Variants in CUBN observed in about 807,000 individuals in gnomAD.
CUBN encodes cubilin.
CUBN carries 282 observed loss-of-function variants against 405.3 expected under a neutral mutation model. The ratio of observed to expected loss-of-function variants is 0.70; its 90% CI spans 0.63 to 0.77. CUBN has a LOEUF of 0.77. CUBN is among the 30% of genes least tolerant of loss of function. CUBN has a pLI of 0.00. For synonymous variants in CUBN, 1,684 were observed against 1,617.0 expected (o/e 1.04, Z -0.99); for missense variants, 4,514 against 4,475.2 (o/e 1.01, Z -0.25).
At chr10:16,834,957 T>G in intron 64 of CUBN, 57 bp downstream of exon 64, 4 of 1,510,648 alleles carry the variant, frequency 2.6e-6, no homozygotes, top group Non-Finnish European at 3.7e-6. Context: ...TGTAAAATCT[T>G]AAGTGATCCA....
chr10:17,103,229 C>T lies in CUBN; in HGVS notation c.1426G>A (p.Glu476Lys). 1.2e-6 allele frequency: 2 copies of T among 1,602,836 alleles called. No individual in the cohort carries two copies. Among genetic ancestry groups the T allele is most frequent in the Non-Finnish European group, 1.7e-6 (2 of 1,169,802 alleles). Residue 476 changes from glutamate (E) to lysine (K), a missense_variant, in exon 13 of 67, where the codon GAG becomes AAG. Glu to Lys is a moderately conservative substitution (Grantham distance 56). This residue lies in a region of CUBN where 1,448 missense variants were observed against 1,388.0 expected (regional missense o/e 1.04). Coordinates refer to ENST00000377833, the MANE Select transcript of CUBN (RefSeq NM_001081.4). ...LCQVPQQVCGESLSGINGSFS... is the reference protein window; with the variant it reads ...LCQVPQQVCGKSLSGINGSFS... ...CTTCCATTTATTCCTGAGAGGGACT[C>T]TCCACAAACTGCAAAGGAAAAGATG...
intron 28 of CUBN, among the ~76,000 whole-genome samples, chr10:16,991,111 C>A (rs1833574366): frequency 6.6e-6 from 1 of 152,122 alleles, no homozygotes; most frequent in Non-Finnish European, 1.5e-5. Context: ...AGGAAAAAGA[C>A]AACAGCATGT....
chr10:17,093,040 T>C, intron 14 of CUBN, among the ~76,000 whole-genome samples: 1 of 152,134 alleles, frequency 6.6e-6, no homozygotes, highest in East Asian at 1.9e-4. Flanking sequence ...GCATATAAAG[T>C]ATGTCCCATA....
intron 49 of CUBN, among the ~76,000 whole-genome samples, chr10:16,907,253 A>T (rs1207383856): frequency 6.6e-6 from 1 of 152,230 alleles, no homozygotes; most frequent in Non-Finnish European, 1.5e-5. Flanking sequence ...TGGTAACATG[A>T]CCTGAAACTG....
chr10:16,931,074 G>C (rs1469615203), intron 40 of CUBN, among the ~76,000 whole-genome samples: 2 of 151,270 alleles, frequency 1.3e-5, no homozygotes, highest in African/African-American at 4.9e-5. Flanking sequence ...GGTTAACACA[G>C]TGAAACCCCA....
intron 39 of CUBN, 57 bp from the exon 40 acceptor site, chr10:16,933,341 G>T (rs2131595179): frequency 1.3e-6 from 2 of 1,520,216 alleles, no homozygotes; most frequent in African/African-American, 2.7e-5. Context: ...ACGCTAGCTA[G>T]CACTTTTTCA....
chr10:16,932,071 G>C (rs996583439), intron 40 of CUBN, among the ~76,000 whole-genome samples: 5 of 152,154 alleles, frequency 3.3e-5, no homozygotes, highest in African/African-American at 1.2e-4. Context: ...CGTGCTGATA[G>C]CCGATTGCTG....
At chr10:16,908,643 G>A (rs924119964) in intron 48 of CUBN, among the ~76,000 whole-genome samples, 3 of 151,780 alleles carry the variant, frequency 2.0e-5, no homozygotes, top group Admixed American at 6.6e-5. Flanking sequence ...ACAATAATTC[G>A]CAAACTATTC....
At chr10:17,099,157 A>T (rs1836439938) in intron 14 of CUBN, among the ~76,000 whole-genome samples, 1 of 152,210 alleles carries the variant, frequency 6.6e-6, no homozygotes, top group African/African-American at 2.4e-5. Flanking sequence ...ATCAGGATAG[A>T]TAAAAACACC....
At chr10:17,007,557 C>T (rs1834061556) in intron 28 of CUBN, among the ~76,000 whole-genome samples, 1 of 151,800 alleles carries the variant, frequency 6.6e-6, no homozygotes, top group Non-Finnish European at 1.5e-5. Flanking sequence ...AATGATGTCG[C>T]TGCCAAGTTT....
chr10:16,878,160 C>T (rs541176149), intron 56 of CUBN, among the ~76,000 whole-genome samples: 17 of 152,038 alleles, frequency 1.1e-4, no homozygotes, highest in African/African-American at 2.4e-4. Flanking sequence ...TGGTGGTGCG[C>T]GCCTGTAGTC....
chr10:17,071,396 A>G (rs1370525960), intron 19 of CUBN, 30 bp downstream of exon 19: 5 of 1,608,284 alleles, frequency 3.1e-6, no homozygotes, highest in Non-Finnish European at 4.3e-6. Flanking sequence ...ATACAACCAA[A>G]TACAAATTCA....
Position 17,099,966 on chromosome 10 carries a change from CA to C in CUBN, c.1765+38del, listed in dbSNP as rs746945957. 3 of 1,456,212 alleles carry C rather than the reference CA, an allele frequency of 2.1e-6. No homozygotes were observed. The African/African-American group carries it at 4.2e-5, about 20-fold the overall frequency. 90.2% of individuals were successfully genotyped at this position (1,456,212 alleles called of 1,614,324 possible). The stretch of plus-strand genomic sequence containing the variant: ...ACTGATTAAGAACACTTAATAACCT[CA>C]AAATTTTGCTTGCTTTTTTCTCCAG... On this transcript the variant is annotated intron_variant, in intron 14 of 66. Coordinates refer to ENST00000377833, the MANE Select transcript of CUBN (RefSeq NM_001081.4).
At chr10:16,944,118 T>C (rs114243550) in intron 36 of CUBN, among the ~76,000 whole-genome samples, 6 of 152,280 alleles carry the variant, frequency 3.9e-5, no homozygotes, top group Admixed American at 2.0e-4. Context: ...ACTCTGCAAG[T>C]ATAAAATACA....
chr10:17,085,752 T>C lies in CUBN; in HGVS notation c.1955A>G (p.Asp652Gly). The change falls in exon 16 of 67, where the codon GAT becomes GGT. Residue 652 changes from aspartate to glycine, a missense_variant. Around this residue, in one of 5 missense-constraint regions of CUBN, gnomAD observed 1,448 missense variants for 1,388.0 expected, o/e 1.04. Transcript: ENST00000377833. ...DCNKDYLEIR[D>G]GPLYQDPLLG... is the part of the protein sequence containing the mutation. ...AAGGGGGTCCTGATACAAAGGACCA[T>C]CTCGAATCTAAAACAAAAGGATGAA... The C allele has an allele frequency of 6.2e-7, 1 of 1,613,860 alleles. No individual in the cohort carries two copies. The highest frequency in any genetic ancestry group is 8.5e-7 in the Non-Finnish European group (1 of 1,179,840).
At chr10:16,933,045 T>C (rs934760493) in intron 40 of CUBN, 42 bp downstream of exon 40, 3 of 1,583,734 alleles carry the variant, frequency 1.9e-6, no homozygotes, top group African/African-American at 2.7e-5. Context: ...GAACTAATTA[T>C]GTGTCAGGGT....
At chr10:16,956,314 G>T (rs564008448) in intron 31 of CUBN, among the ~76,000 whole-genome samples, 5 of 151,768 alleles carry the variant, frequency 3.3e-5, no homozygotes, top group Middle Eastern at 3.4e-3. Flanking sequence ...ATTATTTAAT[G>T]TTCAAAATTT....
rs188142150 is a variant in CUBN at position 17,009,072 on chromosome 10, G to A, written c.4168+10761C>T. Among the ~76,000 whole-genome samples the A allele has an allele frequency of 3.6e-3, 548 of 152,304 alleles. 5 individuals are homozygous for A. The highest frequency in any genetic ancestry group is 0.013 in the African/African-American group (527 of 41,566). On this transcript the variant is annotated intron_variant, in intron 28 of 66. Coordinates refer to ENST00000377833, the MANE Select transcript of CUBN (RefSeq NM_001081.4). ...ACTAAAGACCTACTTCAGATGCAGA[G>A]TATTGAACTCTGTGTACCTGTGGCA...
intron 56 of CUBN, among the ~76,000 whole-genome samples, chr10:16,884,389 AT>A (rs10713094): frequency 0.63 from 93,199 of 148,700 alleles, 29,181 homozygotes; most frequent in Middle Eastern, 0.75. Context: ...TGGATCTATA[AT>A]TTTTTTTTTT....
Sources: allele counts gnomAD v4.1 joint callset (sites outside exome capture counted in the v4.1 genomes callset), GRCh38; gene constraint gnomAD v4.1.1; regional missense constraint gnomAD v4.1.1; transcripts MANE v1.5; gene names NCBI Gene and HGNC (gene_info 2026-07-23, HGNC 2026-07-21).